PUDP: variants seen among roughly 807,000 people sequenced by gnomAD.
PUDP encodes pseudouridine-5'-phosphatase.
Under a neutral mutation model 9.4 loss-of-function variants are expected in PUDP, and 8 were observed. That is an observed-to-expected ratio of 0.85 (90% CI 0.50 to 1.53). The LOEUF is 1.53. Ranked by LOEUF, PUDP falls within the 40% of genes most tolerant of loss-of-function variation. PUDP has a pLI of 0.00. For missense variants in PUDP, 188 were observed against 189.7 expected (o/e 0.99, Z 0.05); for synonymous variants, 99 against 80.7 (o/e 1.23, Z -1.22).
intron 3 of PUDP, among the ~76,000 whole-genome samples, chrX:6,827,560 C>A (rs1457280699): frequency 8.9e-6 from 1 of 111,789 alleles, no homozygotes; most frequent in Non-Finnish European, 1.9e-5. Context: ...TGTTCCCTGG[C>A]TCCAGACCCT....
chrX:6,804,995 G>C (rs1027210153), intron 3 of PUDP, among the ~76,000 whole-genome samples: 1 of 111,907 alleles, frequency 8.9e-6, no homozygotes, highest in Admixed American at 9.5e-5. Flanking sequence ...GGCTGGGCAC[G>C]GGGGCTCATG....
chrX:7,072,813 C>CAAAA (rs774767127), intron 3 of PUDP, among the ~76,000 whole-genome samples: 3 of 32,995 alleles, frequency 9.1e-5, no homozygotes, highest in African/African-American at 2.1e-4. Flanking sequence ...GACTGTGTCT[C>CAAAA]AAAAAAAAAA....
chrX:6,801,645 T>C (rs1279319813), intron 3 of PUDP, among the ~76,000 whole-genome samples: 1 of 112,445 alleles, frequency 8.9e-6, no homozygotes, highest in African/African-American at 3.2e-5. Flanking sequence ...GTCTAGCTTG[T>C]ATTCCTGTGG....
chrX:7,102,077 C>G (rs149955774), intron 2 of PUDP, among the ~76,000 whole-genome samples: 1,361 of 110,785 alleles, frequency 0.012, 70 homozygotes, highest in Admixed American at 0.12. Flanking sequence ...AACCTCCCCA[C>G]AAAGAAAAGC....
intron 3 of PUDP, among the ~76,000 whole-genome samples, chrX:6,783,334 C>T (rs916929794): frequency 3.6e-5 from 4 of 111,153 alleles, no homozygotes; most frequent in Non-Finnish European, 5.7e-5. Flanking sequence ...TGGATGCGTT[C>T]CTCCTCTAGC....
At chrX:6,929,663 G>A (rs953095663) in intron 3 of PUDP, among the ~76,000 whole-genome samples, 4 of 112,254 alleles carry the variant, frequency 3.6e-5, no homozygotes, top group African/African-American at 9.7e-5. Flanking sequence ...TGTCAGGGCC[G>A]GAACTAGTTT....
rs756040352 is a variant in PUDP at position 7,116,914 on chromosome X, A to G, written c.62-11076T>C. The G allele has an allele frequency of 1.0e-5, 12 of 1,155,283 alleles. No individual in the cohort carries two copies. The East Asian group carries it at 2.3e-4, about 22-fold the overall frequency. On this transcript the variant is annotated intron_variant, in intron 1 of 3. Coordinates refer to ENST00000381077, the MANE Select transcript of PUDP (RefSeq NM_012080.5). ...TAAAAGTGCATGGTACCTCCCCCCA[A>G]CTCTCTCTCTGGCTCATGCTTTTGC... is the stretch of plus-strand genomic sequence containing the variant.
At chrX:7,095,743 G>C (rs1361567335) in intron 2 of PUDP, among the ~76,000 whole-genome samples, 1 of 112,470 alleles carries the variant, frequency 8.9e-6, no homozygotes, top group African/African-American at 3.2e-5. Context: ...GAAAGTAATG[G>C]ATTATCAGAG....
chrX:6,711,436 G>A (rs1200976780), intron 1 of PUDP, among the ~76,000 whole-genome samples: 1 of 111,186 alleles, frequency 9.0e-6, no homozygotes, highest in South Asian at 3.9e-4. Context: ...AGTCAAACCA[G>A]GTAGATCAGA....
intron 1 of PUDP, among the ~76,000 whole-genome samples, chrX:7,024,918 T>A (rs1929688346): frequency 9.2e-6 from 1 of 109,048 alleles, no homozygotes; most frequent in Admixed American, 9.8e-5. Context: ...TTTGTCTGAG[T>A]GTGTGTGCAT....
chrX:6,976,029 T>G (rs2146796708), intron 3 of PUDP, among the ~76,000 whole-genome samples: 1 of 111,857 alleles, frequency 8.9e-6, no homozygotes, highest in South Asian at 3.8e-4. Context: ...CAAGCCTAAG[T>G]AATGGTGGAT....
intron 3 of PUDP, among the ~76,000 whole-genome samples, chrX:6,879,165 G>A (rs1927309024): frequency 9.0e-6 from 1 of 111,611 alleles, no homozygotes; most frequent in African/African-American, 3.3e-5. Flanking sequence ...CATGGCCCAG[G>A]ACCATGTTAC....
Position 6,993,043 on chromosome X carries a change from C to T in PUDP, c.205-14700G>A, listed in dbSNP as rs933411181. Reference sequence around the variant, plus strand: ...TGTCAGGGGCTCTGGGGCATTTGGCCACAGACTGAAGGCTGCACTATCACC... The same window carrying T: ...TGTCAGGGGCTCTGGGGCATTTGGCTACAGACTGAAGGCTGCACTATCACC... On this transcript the variant is annotated intron_variant and NMD_transcript_variant, in intron 1 of 3. Transcript: ENST00000655425. Among the ~76,000 whole-genome samples the T allele has an allele frequency of 2.7e-5, 3 of 111,785 alleles. No individual in the cohort carries two copies. In the Admixed American group the frequency reaches 2.8e-4, roughly 11 times the overall value.
rs779164998 is a variant in PUDP, at chrX:7,077,460, G to A, written c.281-11C>T. ...TGAGTTTCTCCGCCCCTGGGGAGGA[G>A]GAGGGAAGGACTGAGGTGAGGGGCG... On this transcript the variant is annotated splice_polypyrimidine_tract_variant and intron_variant, in intron 2 of 3. Coordinates refer to ENST00000381077, the MANE Select transcript of PUDP (RefSeq NM_012080.5). 2 of 1,188,769 alleles carry A rather than the reference G, an allele frequency of 1.7e-6. No homozygotes were observed. The highest frequency in any genetic ancestry group is 2.3e-6 in the Non-Finnish European group (2 of 875,825).
intron 3 of PUDP, among the ~76,000 whole-genome samples, chrX:6,751,161 AAAAG>A (rs1224316322): frequency 4.7e-4 from 52 of 110,399 alleles, no homozygotes; most frequent in African/African-American, 1.6e-3. Context: ...AAAGAAAGAA[AAAAG>A]AAAGAAAGAA....
chrX:6,840,266 C>T (rs1036521422), intron 3 of PUDP, among the ~76,000 whole-genome samples: 1 of 111,943 alleles, frequency 8.9e-6, no homozygotes, highest in South Asian at 3.8e-4. Flanking sequence ...TCCCCAGCCA[C>T]GTGGAACTGT....
chrX:7,077,592 T>A, intron 2 of PUDP, 143 bp from the exon 3 acceptor site: 2 of 466,393 alleles, frequency 4.3e-6, no homozygotes, highest in Non-Finnish European at 7.3e-6. Context: ...ACAGATTGTC[T>A]AAAAGCGGTT....
intron 3 of PUDP, among the ~76,000 whole-genome samples, chrX:6,736,371 C>T (rs1924872653): frequency 8.9e-6 from 1 of 111,860 alleles, no homozygotes; most frequent in African/African-American, 3.2e-5. Context: ...GGAAAGGTTA[C>T]TTTATATGAA....
intron 3 of PUDP, among the ~76,000 whole-genome samples, chrX:6,785,391 C>A (rs1472787870): frequency 1.8e-5 from 2 of 111,798 alleles, no homozygotes; most frequent in Non-Finnish European, 3.8e-5. Context: ...TCCTTACTAC[C>A]CAGGGATTCG....
Sources: gnomAD v4.1 joint callset for allele counts (sites outside exome capture counted in the v4.1 genomes callset) on GRCh38, gnomAD v4.1.1 for gene constraint, MANE v1.5 for transcripts, NCBI Gene and HGNC (gene_info 2026-07-23, HGNC 2026-07-21) for gene names.